The following AUTS2 variants were observed in gnomAD, a reference collection of about 807,000 sequenced individuals.
AUTS2 encodes the protein activator of transcription and developmental regulator AUTS2.
AUTS2 carries 17 observed loss-of-function variants against 112.4 expected under a neutral mutation model. That is an observed-to-expected ratio of 0.15 (90% CI 0.10 to 0.23). The LOEUF is 0.23. AUTS2 is among the 10% of genes least tolerant of loss of function. The pLI is 1.00. For synonymous variants in AUTS2, 751 were observed against 702.7 expected (o/e 1.07, Z -1.09); for missense variants, 1,510 against 1,701.6 (o/e 0.89, Z 1.98).
chr7:70,656,494 G>A (rs1429633224), intron 5 of AUTS2, among the ~76,000 whole-genome samples: 2 of 152,126 alleles, frequency 1.3e-5, no homozygotes, highest in African/African-American at 2.4e-5. Context: ...GCCAAATGGA[G>A]CTAATCCTGA....
At chr7:70,439,057 T>C (rs1796013623) in intron 5 of AUTS2, among the ~76,000 whole-genome samples, 1 of 152,226 alleles carries the variant, frequency 6.6e-6, no homozygotes, top group Non-Finnish European at 1.5e-5. Context: ...AATGATACCC[T>C]TACTAATTAA....
rs1247248880 is a variant in AUTS2 at position 70,639,642 on chromosome 7, A to T, written c.691-58927A>T. 6.0e-5 allele frequency among the ~76,000 whole-genome samples: 8 copies of T among 132,352 alleles called. No individual in the cohort carries two copies. The South Asian group carries it at 2.1e-3, about 35-fold the overall frequency. 86.8% of individuals were successfully genotyped at this position (132,352 alleles called of 152,430 possible). On this transcript the variant is annotated intron_variant, in intron 5 of 18. Coordinates refer to ENST00000342771, the MANE Select transcript of AUTS2 (RefSeq NM_015570.4). Reference sequence around the variant, plus strand: ...AAAAAAAAAAAAAAAAAAAATAGGGAATCAGTCATCCCCACTGGGACCTTG... The same window carrying T: ...AAAAAAAAAAAAAAAAAAAATAGGGTATCAGTCATCCCCACTGGGACCTTG...
intron 4 of AUTS2, among the ~76,000 whole-genome samples, chr7:70,276,757 A>T (rs1787948036): frequency 6.6e-6 from 1 of 152,154 alleles, no homozygotes; most frequent in Non-Finnish European, 1.5e-5. Context: ...TCTCAGTTGC[A>T]GGCTTTTCTT....
intron 4 of AUTS2, among the ~76,000 whole-genome samples, chr7:70,161,438 T>G (rs1562751109): frequency 2.0e-5 from 3 of 151,770 alleles, no homozygotes; most frequent in Non-Finnish European, 4.4e-5. Context: ...GATGAAAGCT[T>G]TTTGTTTTTG....
intron 1 of AUTS2, among the ~76,000 whole-genome samples, chr7:69,897,193 C>T (rs574861432): frequency 1.3e-5 from 2 of 152,186 alleles, no homozygotes; most frequent in Admixed American, 6.5e-5. Context: ...GGCAACACTG[C>T]TAAGAGTCAC....
intron 5 of AUTS2, among the ~76,000 whole-genome samples, chr7:70,612,408 A>G (rs954147616): frequency 6.6e-6 from 1 of 152,150 alleles, no homozygotes; most frequent in Non-Finnish European, 1.5e-5. Flanking sequence ...GAAGAGGCAG[A>G]GTCAACCTTT....
intron 11 of AUTS2, 66 bp downstream of exon 11, chr7:70,771,710 G>A: frequency 2.8e-6 from 4 of 1,450,166 alleles, no homozygotes; most frequent in Non-Finnish European, 2.9e-6. Context: ...CAGGCGTGCA[G>A]GAAGTTCTGC....
intron 6 of AUTS2, among the ~76,000 whole-genome samples, chr7:70,705,753 A>G (rs1182067331): frequency 1.3e-5 from 2 of 152,040 alleles, no homozygotes; most frequent in African/African-American, 4.8e-5. Context: ...GATTCATTTT[A>G]CCTCCAAGAG....
intron 4 of AUTS2, among the ~76,000 whole-genome samples, chr7:70,376,389 C>T (rs972093978): frequency 6.6e-6 from 1 of 151,826 alleles, no homozygotes; most frequent in African/African-American, 2.4e-5. Flanking sequence ...TTTTTTTAAA[C>T]AACACTTTAA....
At chr7:70,220,127 C>G (rs773099444) in intron 4 of AUTS2, among the ~76,000 whole-genome samples, 1 of 152,162 alleles carries the variant, frequency 6.6e-6, no homozygotes, top group South Asian at 2.1e-4. Flanking sequence ...GTAGAGCAGC[C>G]GCAGTCATAG....
intron 6 of AUTS2, among the ~76,000 whole-genome samples, chr7:70,727,727 C>T (rs1410637457): frequency 2.6e-5 from 4 of 152,178 alleles, no homozygotes; most frequent in Admixed American, 2.0e-4. Flanking sequence ...TCTAATGTAT[C>T]CCAGGATCTA....
chr7:70,617,277 A>G (rs1443864574), intron 5 of AUTS2, among the ~76,000 whole-genome samples: 2 of 152,192 alleles, frequency 1.3e-5, no homozygotes, highest in Non-Finnish European at 2.9e-5. Flanking sequence ...TCAAGACTAA[A>G]TGACCACTAG....
chr7:70,315,332 G>A lies in AUTS2; in HGVS notation c.661-120420G>A, dbSNP rs531176013. On this transcript the variant is annotated intron_variant, in intron 4 of 18. Transcript: ENST00000342771. ...CAGCATGGATATGAGGAACAGGTAG[G>A]CCTGAATTCAAATCCTTGCTCCACT... Among the ~76,000 whole-genome samples the A allele has an allele frequency of 1.2e-3, 189 of 152,308 alleles. 2 individuals carry two copies. The South Asian group carries it at 0.016, about 13-fold the overall frequency.
chr7:69,747,707 C>A (rs1056455846), intron 1 of AUTS2, among the ~76,000 whole-genome samples: 1 of 150,996 alleles, frequency 6.6e-6, no homozygotes, highest in Non-Finnish European at 1.5e-5. Flanking sequence ...ATTGGCTCTC[C>A]CACAGTTTTT....
At chr7:70,388,095 T>G (rs1341328288) in intron 4 of AUTS2, among the ~76,000 whole-genome samples, 1 of 152,230 alleles carries the variant, frequency 6.6e-6, no homozygotes, top group Non-Finnish European at 1.5e-5. Context: ...TTGTCCTGTA[T>G]TCTTTTATCT....
chr7:70,519,170 A>G (rs1241820310), intron 5 of AUTS2, among the ~76,000 whole-genome samples: 1 of 152,194 alleles, frequency 6.6e-6, no homozygotes, highest in African/African-American at 2.4e-5. Context: ...CCAGGGTCAA[A>G]TAGAAATGGT....
chr7:70,672,268 TTCC>T (rs1807684293), intron 5 of AUTS2, among the ~76,000 whole-genome samples: 1 of 152,240 alleles, frequency 6.6e-6, no homozygotes, highest in South Asian at 2.1e-4. Context: ...AGTCCCCCAC[TTCC>T]TCCTTTCTAG....
chr7:70,072,874 C>T (rs1280901371), intron 2 of AUTS2, among the ~76,000 whole-genome samples: 1 of 152,166 alleles, frequency 6.6e-6, no homozygotes, highest in Non-Finnish European at 1.5e-5. Context: ...AGAGTAAGTT[C>T]TAATCACAAG....
chr7:69,852,764 A>G (rs941128760), intron 1 of AUTS2, among the ~76,000 whole-genome samples: 2 of 151,862 alleles, frequency 1.3e-5, no homozygotes, highest in African/African-American at 4.8e-5. Flanking sequence ...CTGCTTTTCT[A>G]ATGTTATCAT....
Sources: allele counts gnomAD v4.1 joint callset (sites outside exome capture counted in the v4.1 genomes callset), GRCh38; gene constraint gnomAD v4.1.1; transcripts MANE v1.5; gene names NCBI Gene and HGNC (gene_info 2026-07-23, HGNC 2026-07-21).